Variants in PRRX1 observed in about 807,000 individuals in gnomAD.
PRRX1 encodes the protein paired related homeobox 1.
PRRX1 carries 8 observed loss-of-function variants against 24.0 expected under a neutral mutation model. The ratio of observed to expected loss-of-function variants is 0.33; its 90% CI spans 0.20 to 0.60. The LOEUF is 0.60. Among genes scored for constraint, PRRX1 ranks in the 20% least tolerant of loss-of-function variants. The probability of loss-of-function intolerance (pLI) is 0.82; values close to 1 mark genes in which losing one functional copy is unlikely to be tolerated. For missense variants in PRRX1, 281 were observed against 322.4 expected (o/e 0.87, Z 0.98); for synonymous variants, 160 against 131.7 (o/e 1.22, Z -1.47).
At position 170,715,103 on chromosome 1, in the gene PRRX1, C is replaced by T. The variant is rs546576104; in HGVS notation, c.242-4623C>T. On this transcript the variant is annotated intron_variant, in intron 1 of 3. Transcript: ENST00000239461. Reference sequence around the variant, plus strand: ...AGGAATCAGACCACAAGGCTTTTTCCCTCTCTAAATCTGGTGACTATCCTA... The same window carrying T: ...AGGAATCAGACCACAAGGCTTTTTCTCTCTCTAAATCTGGTGACTATCCTA... 8.3e-4 allele frequency among the ~76,000 whole-genome samples: 127 copies of T among 152,130 alleles called. No homozygotes were observed. The Middle Eastern group carries it at 0.02, about 24-fold the overall frequency.
At chr1:170,703,692 G>A (rs1437653409) in intron 1 of PRRX1, among the ~76,000 whole-genome samples, 2 of 151,846 alleles carry the variant, frequency 1.3e-5, no homozygotes, top group Non-Finnish European at 2.9e-5. Context: ...TTCAGAACTT[G>A]GGCTCTGTAG....
At chr1:170,695,153 C>G (rs1302237167) in intron 1 of PRRX1, among the ~76,000 whole-genome samples, 2 of 152,112 alleles carry the variant, frequency 1.3e-5, no homozygotes, top group Non-Finnish European at 2.9e-5. Flanking sequence ...AACAACCATA[C>G]CCCATGAACT....
chr1:170,688,032 C>T (rs1165914654), intron 1 of PRRX1, among the ~76,000 whole-genome samples: 2 of 152,268 alleles, frequency 1.3e-5, no homozygotes, highest in South Asian at 2.1e-4. Flanking sequence ...CAATGTGTTG[C>T]TTACTCTATA....
chr1:170,737,020 T>C lies in PRRX1; in HGVS notation c.*834T>C, dbSNP rs566656990. 1.6e-5 allele frequency: 3 copies of C among 192,932 alleles called. No individual in the cohort carries two copies. Among genetic ancestry groups the C allele is most frequent in the South Asian group, 1.9e-4 (1 of 5,170 alleles). The allele number at this position is 192,932 out of a possible 1,614,324, so 12.0% of individuals were successfully genotyped here. A position where few individuals can be genotyped will look rare whatever the true frequency, so the allele number is the denominator to read the frequency against. On this transcript the variant is annotated 3_prime_UTR_variant, in exon 4 of 4. Transcript: ENST00000239461. ...CACAGACTATTTGGTAGAAGAAATA[T>C]TTTTCACCTGAGAGAGGAAGAGAAA...
At chr1:170,666,813 G>A (rs1196816062) in intron 1 of PRRX1, among the ~76,000 whole-genome samples, 2 of 152,134 alleles carry the variant, frequency 1.3e-5, no homozygotes, top group Non-Finnish European at 2.9e-5. Context: ...AAGGGAGCTC[G>A]GGATTCGTCG....
chr1:170,700,063 T>C (rs1654302875), intron 1 of PRRX1, among the ~76,000 whole-genome samples: 1 of 152,234 alleles, frequency 6.6e-6, no homozygotes, highest in Non-Finnish European at 1.5e-5. Flanking sequence ...ATGCTTATAA[T>C]CATATTTAAA....
At chr1:170,715,451 T>A (rs1292819363) in intron 1 of PRRX1, among the ~76,000 whole-genome samples, 2 of 152,128 alleles carry the variant, frequency 1.3e-5, no homozygotes, top group East Asian at 3.9e-4. Context: ...TTAAAAAGTA[T>A]TTGATAATAT....
In PRRX1 at chr1:170,726,418, C is replaced by A. The variant is rs757512674; in HGVS notation, c.599+17C>A. On this transcript the variant is annotated intron_variant, in intron 3 of 3. Coordinates refer to ENST00000239461, the MANE Select transcript of PRRX1 (RefSeq NM_022716.4). The stretch of plus-strand genomic sequence containing the variant: ...TCCGTACAGGTGAATGACTGGCCCA[C>A]TCTCCCTTGCTCCACTTCCACATGT... 7 of 1,610,550 alleles carry A rather than the reference C, an allele frequency of 4.3e-6. No individual in the cohort carries two copies. The Admixed American group carries it at 1.2e-4, about 27-fold the overall frequency.
intron 1 of PRRX1, among the ~76,000 whole-genome samples, chr1:170,696,932 C>T (rs1654189857): frequency 6.6e-6 from 1 of 152,052 alleles, no homozygotes; most frequent in Non-Finnish European, 1.5e-5. Flanking sequence ...ATTTTTTGAA[C>T]TTAATAGAGC....
chr1:170,730,032 A>G (rs1000901009), intron 3 of PRRX1, among the ~76,000 whole-genome samples: 10 of 152,186 alleles, frequency 6.6e-5, no homozygotes, highest in African/African-American at 2.4e-4. Flanking sequence ...TCTCAGAGAC[A>G]TCCTTTCCTA....
At position 170,689,893 on chromosome 1, in the gene PRRX1, C is replaced by CGT. The variant is rs770375970; in HGVS notation, c.241+25450_241+25451dup. On this transcript the variant is annotated intron_variant, in intron 1 of 3. Transcript: ENST00000239461. Reference sequence around the variant, plus strand: ...CTCTCTCTGTGGGTGTGTGTGTGTGCGTGTGTGTGTGTGTGTGAGAGGGAG... The same window carrying CGT: ...CTCTCTCTGTGGGTGTGTGTGTGTGCGTGTGTGTGTGTGTGTGTGAGAGGGAG... Among the ~76,000 whole-genome samples, 566 of 121,258 alleles carry CGT rather than the reference C, an allele frequency of 4.7e-3. 2 individuals are homozygous for CGT. The highest frequency in any genetic ancestry group is 0.012 in the African/African-American group (407 of 33,024). The allele number at this position is 121,258 out of a possible 152,430, so 79.5% of individuals were successfully genotyped here.
intron 1 of PRRX1, chr1:170,668,994 T>G (rs541880079): frequency 6.6e-6 from 1 of 152,276 alleles, no homozygotes; most frequent in East Asian, 1.9e-4. Context: ...TTCGGTTTAT[T>G]TTACATGCAG....
intron 1 of PRRX1, among the ~76,000 whole-genome samples, chr1:170,674,550 G>A (rs926589600): frequency 6.6e-6 from 1 of 152,110 alleles, no homozygotes; most frequent in Non-Finnish European, 1.5e-5. Context: ...TCCACAAGTA[G>A]TGCTCAATTG....
intron 1 of PRRX1, among the ~76,000 whole-genome samples, chr1:170,694,923 TC>T (rs1654116620): frequency 6.6e-6 from 1 of 152,124 alleles, no homozygotes; most frequent in South Asian, 2.1e-4. Flanking sequence ...CATCAATGCT[TC>T]TAATATGTCA....
intron 1 of PRRX1, among the ~76,000 whole-genome samples, chr1:170,693,826 G>A (rs1654070726): frequency 1.3e-5 from 2 of 152,062 alleles, no homozygotes; most frequent in African/African-American, 4.8e-5. Context: ...TGATCCGAAT[G>A]GGGAAAATGA....
chr1:170,696,126 A>C (rs1654158900), intron 1 of PRRX1, among the ~76,000 whole-genome samples: 2 of 152,142 alleles, frequency 1.3e-5, no homozygotes, highest in African/African-American at 2.4e-5. Context: ...TCAAGGTGCA[A>C]GGTAGGCAGG....
At chr1:170,687,976 C>T (rs76670772) in intron 1 of PRRX1, among the ~76,000 whole-genome samples, 15 of 151,952 alleles carry the variant, frequency 9.9e-5, no homozygotes, top group Non-Finnish European at 1.8e-4. Context: ...AGAGAAGGAC[C>T]GGGAAAGAGA....
intron 1 of PRRX1, among the ~76,000 whole-genome samples, chr1:170,686,130 AAAC>A (rs980364560): frequency 8.0e-5 from 11 of 137,074 alleles, no homozygotes; most frequent in Admixed American, 6.3e-4. Context: ...AAATGATTTA[AAAC>A]AACATTACAT....
At chr1:170,727,952 T>C (rs922805416) in intron 3 of PRRX1, 3 of 152,246 alleles carry the variant, frequency 2.0e-5, no homozygotes, top group Non-Finnish European at 4.4e-5. Flanking sequence ...ATTTCTCTTA[T>C]AAACATTGGT....
Sources: gnomAD v4.1 joint callset for allele counts (sites outside exome capture counted in the v4.1 genomes callset) on GRCh38, gnomAD v4.1.1 for gene constraint, MANE v1.5 for transcripts, NCBI Gene and HGNC (gene_info 2026-07-23, HGNC 2026-07-21) for gene names.